RABGAP1L: variants seen among roughly 807,000 people sequenced by gnomAD.
The protein encoded by RABGAP1L is RAB GTPase activating protein 1 like.
Under a neutral mutation model 137.7 loss-of-function variants are expected in RABGAP1L, and 63 were observed. That is an observed-to-expected ratio of 0.46 (90% confidence interval 0.37 to 0.56). The LOEUF is 0.56. RABGAP1L is among the 20% of genes least tolerant of loss of function. The pLI is 0.00. For synonymous variants in RABGAP1L, 431 were observed against 433.7 expected (o/e 0.99, Z 0.08); for missense variants, 1,095 against 1,244.0 (o/e 0.88, Z 1.80).
intron 11 of RABGAP1L, among the ~76,000 whole-genome samples, chr1:174,314,890 A>T (rs972842062): frequency 6.6e-6 from 1 of 152,078 alleles, no homozygotes; most frequent in Non-Finnish European, 1.5e-5. Flanking sequence ...AATGTTTTAA[A>T]ACTTATTTTG....
chr1:174,477,611 A>T (rs1473201040), intron 13 of RABGAP1L, among the ~76,000 whole-genome samples: 1 of 152,128 alleles, frequency 6.6e-6, no homozygotes, highest in African/African-American at 2.4e-5. Context: ...GGACATCTGG[A>T]CATCTTTTTT....
intron 13 of RABGAP1L, among the ~76,000 whole-genome samples, chr1:174,399,316 C>T (rs1402558048): frequency 6.6e-6 from 1 of 152,062 alleles, no homozygotes; most frequent in African/African-American, 2.4e-5. Flanking sequence ...AGCTTATAGT[C>T]ACTAAGTGGA....
At position 174,195,031 on chromosome 1, in the gene RABGAP1L, A is replaced by AATAT. The variant is rs147087333; in HGVS notation, c.-33-24087_-33-24084dup. Among the ~76,000 whole-genome samples the AATAT allele has an allele frequency of 6.0e-3, 914 of 151,960 alleles. 3 individuals carry two copies. Among genetic ancestry groups the AATAT allele is most frequent in the Non-Finnish European group, 8.8e-3 (601 of 67,966 alleles). On this transcript the variant is annotated intron_variant, in intron 1 of 25. Transcript: ENST00000681986. ...TTTTGGCTCTTTCTTGATAACCTGG[A>AATAT]ATATATATATTTGGATAATTATTTT...
At chr1:174,490,227 T>C (rs916990749) in intron 13 of RABGAP1L, among the ~76,000 whole-genome samples, 2 of 152,140 alleles carry the variant, frequency 1.3e-5, no homozygotes, top group Non-Finnish European at 2.9e-5. Flanking sequence ...CGGTCTTTCT[T>C]GGGAAGGCTT....
rs1005276067 is a variant in RABGAP1L at position 174,662,892 on chromosome 1, T to A, written c.1825-20630T>A. On this transcript the variant is annotated intron_variant, in intron 14 of 25. Coordinates refer to ENST00000681986, the MANE Select transcript of RABGAP1L (RefSeq NM_001366446.1). ...AAGTAAAAACAAATAAATGAAAAAA[T>A]TTTAAGTAGAAAAATGTTATAGAAC... 4.6e-5 allele frequency among the ~76,000 whole-genome samples: 7 copies of A among 152,020 alleles called. No homozygotes were observed. In the East Asian group the frequency reaches 7.7e-4, roughly 17 times the overall value.
intron 13 of RABGAP1L, among the ~76,000 whole-genome samples, chr1:174,524,601 C>T (rs1454039916): frequency 6.6e-6 from 1 of 152,116 alleles, no homozygotes; most frequent in African/African-American, 2.4e-5. Context: ...GTTGTCTCTT[C>T]ACTATGTTGA....
At chr1:174,384,189 G>C (rs550726547) in intron 12 of RABGAP1L, among the ~76,000 whole-genome samples, 2 of 152,162 alleles carry the variant, frequency 1.3e-5, no homozygotes, top group Non-Finnish European at 2.9e-5. Context: ...TTAATACTAT[G>C]TTATTCCATT....
intron 1 of RABGAP1L, among the ~76,000 whole-genome samples, chr1:174,213,373 C>T (rs543245586): frequency 1.8e-4 from 27 of 152,152 alleles, no homozygotes; most frequent in Admixed American, 1.4e-3. Context: ...TGCAGTGAGC[C>T]GAGATTGTGC....
intron 3 of RABGAP1L, among the ~76,000 whole-genome samples, chr1:174,227,436 C>G (rs980605080): frequency 6.6e-6 from 1 of 151,778 alleles, no homozygotes. Flanking sequence ...CTCTTGACCT[C>G]ATGATCTGCC....
At chr1:174,716,411 A>T (rs1681015908) in intron 17 of RABGAP1L, among the ~76,000 whole-genome samples, 1 of 152,174 alleles carries the variant, frequency 6.6e-6, no homozygotes, top group Non-Finnish European at 1.5e-5. Flanking sequence ...TCTCCCAAGT[A>T]GCTGGGACTG....
At chr1:174,160,621 A>T (rs930918612) in intron 1 of RABGAP1L, among the ~76,000 whole-genome samples, 4 of 152,150 alleles carry the variant, frequency 2.6e-5, no homozygotes, top group Non-Finnish European at 5.9e-5. Flanking sequence ...TGCCTGACAG[A>T]TTTCAGCGCA....
At chr1:174,380,074 A>G (rs1412289772) in intron 12 of RABGAP1L, among the ~76,000 whole-genome samples, 1 of 146,324 alleles carries the variant, frequency 6.8e-6, no homozygotes, top group African/African-American at 2.6e-5. Flanking sequence ...GGCTCTGTTT[A>G]TATGCTGGAT....
intron 19 of RABGAP1L, among the ~76,000 whole-genome samples, chr1:174,819,549 T>C (rs953060261): frequency 1.2e-4 from 19 of 152,266 alleles, no homozygotes; most frequent in African/African-American, 3.8e-4. Context: ...TAAAGATATA[T>C]GAGAGCAAAG....
rs545038992 is a variant in RABGAP1L at position 174,589,122 on chromosome 1, A to G, written c.1711-48253A>G. 2.0e-5 allele frequency among the ~76,000 whole-genome samples: 3 copies of G among 152,198 alleles called. 1 individual carries two copies. The South Asian group carries it at 6.2e-4, about 31-fold the overall frequency. On this transcript the variant is annotated intron_variant, in intron 13 of 25. Transcript: ENST00000681986. ...TCCTTGTCAGCATTTGTTATTGCCT[A>G]TTTTTTGGATAAAAGCCATTAAAAC...
rs537526268 is a variant in RABGAP1L, at chr1:174,545,242, G to A, written c.1711-92133G>A. Reference sequence around the variant, plus strand: ...GGCAGGCAGGCCTCCTTGAGCTTTGGTGGGCTCCACCCAGTTCAGTCTTCC... The same window carrying A: ...GGCAGGCAGGCCTCCTTGAGCTTTGATGGGCTCCACCCAGTTCAGTCTTCC... On this transcript the variant is annotated intron_variant, in intron 13 of 25. Transcript: ENST00000681986. The A allele has an allele frequency of 6.2e-4, 94 of 152,672 alleles. 1 individual carries two copies. The highest frequency in any genetic ancestry group is 2.5e-3 in the South Asian group (12 of 4,832). The allele number at this position is 152,672 out of a possible 1,614,324, so 9.5% of individuals were successfully genotyped here. A position where few individuals can be genotyped will look rare whatever the true frequency, so the allele number is the denominator to read the frequency against.
At chr1:174,857,977 C>G (rs991831958) in intron 19 of RABGAP1L, among the ~76,000 whole-genome samples, 5 of 152,092 alleles carry the variant, frequency 3.3e-5, no homozygotes, top group African/African-American at 1.2e-4. Context: ...TGAAAAACAA[C>G]TCCTCTCTAT....
At chr1:174,498,078 CAA>C (rs773783687) in intron 13 of RABGAP1L, among the ~76,000 whole-genome samples, 15 of 152,034 alleles carry the variant, frequency 9.9e-5, no homozygotes, top group Non-Finnish European at 1.9e-4. Context: ...TTTAAAGTTC[CAA>C]ATTATGCTTG....
At chr1:174,571,796 A>C (rs1210413052) in intron 13 of RABGAP1L, among the ~76,000 whole-genome samples, 1 of 152,164 alleles carries the variant, frequency 6.6e-6, no homozygotes, top group Non-Finnish European at 1.5e-5. Context: ...ATTCATTACG[A>C]ATTATGTAGT....
intron 10 of RABGAP1L, among the ~76,000 whole-genome samples, chr1:174,281,408 C>A (rs947293961): frequency 1.3e-5 from 2 of 152,028 alleles, no homozygotes; most frequent in African/African-American, 2.4e-5. Context: ...CTGACTGGTG[C>A]GTTTTTACAG....
Sources: gnomAD v4.1 joint callset for allele counts (sites outside exome capture counted in the v4.1 genomes callset) on GRCh38, gnomAD v4.1.1 for gene constraint, MANE v1.5 for transcripts, NCBI Gene and HGNC (gene_info 2026-07-23, HGNC 2026-07-21) for gene names.